DDAH1: variants seen among roughly 807,000 people sequenced by gnomAD.
The protein encoded by DDAH1 is dimethylarginine dimethylaminohydrolase 1.
Under a neutral mutation model 28.8 loss-of-function variants are expected in DDAH1, and 19 were observed. The observed-to-expected ratio is 0.66, with a 90% CI of 0.46 to 0.97. DDAH1 has a LOEUF of 0.97. DDAH1 is among the 50% of genes least tolerant of loss of function. The pLI is 0.00. For missense variants in DDAH1, 326 were observed against 375.9 expected (o/e 0.87, Z 1.10); for synonymous variants, 153 against 154.4 (o/e 0.99, Z 0.07).
chr1:85,342,022 C>T (rs1361553446), intron 4 of DDAH1, among the ~76,000 whole-genome samples: 1 of 152,084 alleles, frequency 6.6e-6, no homozygotes, highest in African/African-American at 2.4e-5. Flanking sequence ...AGCATTTCAC[C>T]TTGACTGGCT....
intron 1 of DDAH1, among the ~76,000 whole-genome samples, chr1:85,547,714 TAGAG>T (rs1392966971): frequency 6.6e-6 from 1 of 152,210 alleles, no homozygotes; most frequent in African/African-American, 2.4e-5. Context: ...AATTGATTGA[TAGAG>T]AGGTTTCTTT....
At chr1:85,504,538 G>A (rs1175692144) in intron 1 of DDAH1, among the ~76,000 whole-genome samples, 2 of 152,134 alleles carry the variant, frequency 1.3e-5, no homozygotes, top group African/African-American at 2.4e-5. Flanking sequence ...CAAGCAAACT[G>A]CAAGCAAAAT....
intron 1 of DDAH1, among the ~76,000 whole-genome samples, chr1:85,458,874 C>G (rs1024457035): frequency 6.6e-6 from 1 of 152,126 alleles, no homozygotes; most frequent in African/African-American, 2.4e-5. Context: ...TAGTCATTTT[C>G]TCTTTAATTA....
chr1:85,327,520 A>G (rs1399161454), intron 4 of DDAH1, among the ~76,000 whole-genome samples: 1 of 152,198 alleles, frequency 6.6e-6, no homozygotes, highest in Non-Finnish European at 1.5e-5. Flanking sequence ...GACAAATTTT[A>G]CTATGAGTTT....
At chr1:85,407,720 A>C (rs1652471935) in intron 1 of DDAH1, among the ~76,000 whole-genome samples, 1 of 152,220 alleles carries the variant, frequency 6.6e-6, no homozygotes, top group Non-Finnish European at 1.5e-5. Flanking sequence ...ATATTGACCC[A>C]AGGGTTATGA....
At chr1:85,544,789 A>G (rs529577844) in intron 1 of DDAH1, among the ~76,000 whole-genome samples, 36 of 152,214 alleles carry the variant, frequency 2.4e-4, no homozygotes, top group African/African-American at 7.9e-4. Context: ...GCCTCCACAC[A>G]TTGCCACACT....
intron 1 of DDAH1, among the ~76,000 whole-genome samples, chr1:85,552,868 T>C (rs1195033760): frequency 6.6e-6 from 1 of 152,042 alleles, no homozygotes; most frequent in Admixed American, 6.6e-5. Flanking sequence ...CTTCTATAGG[T>C]AGCCTCGCAT....
At chr1:85,337,421 T>C (rs879875506) in intron 4 of DDAH1, among the ~76,000 whole-genome samples, 2 of 152,226 alleles carry the variant, frequency 1.3e-5, no homozygotes, top group African/African-American at 4.8e-5. Flanking sequence ...AAAACTGTAA[T>C]TTTATTGTAA....
intron 2 of DDAH1, among the ~76,000 whole-genome samples, chr1:85,475,376 T>C (rs1655761544): frequency 1.3e-5 from 2 of 152,132 alleles, no homozygotes; most frequent in South Asian, 4.1e-4. Context: ...AGCATAGCAA[T>C]AGTTGACTTT....
rs1395867232 is a variant in DDAH1 at position 85,319,957 on chromosome 1, G to A, written c.*1495C>T. ...GAATAATTTGACTGCAAACATAGAA[G>A]TGAGCAGAGCAAGATTTGAAGTGAT... On this transcript the variant is annotated 3_prime_UTR_variant, in exon 6 of 6. Transcript: ENST00000284031. The A allele has an allele frequency of 6.6e-6, 1 of 152,202 alleles. No homozygotes were observed. Among genetic ancestry groups the A allele is most frequent in the Non-Finnish European group, 1.5e-5 (1 of 68,038 alleles). 9.4% of individuals were successfully genotyped at this position (152,202 alleles called of 1,614,324 possible).
chr1:85,442,285 T>C (rs990924390), intron 1 of DDAH1, among the ~76,000 whole-genome samples: 5 of 152,218 alleles, frequency 3.3e-5, no homozygotes, highest in African/African-American at 4.8e-5. Flanking sequence ...AGTGTTTGGT[T>C]TTCTGTCCTT....
At chr1:85,576,953 C>G (rs934636394) in intron 1 of DDAH1, 1 of 147,936 alleles carries the variant, frequency 6.8e-6, no homozygotes, top group Non-Finnish European at 1.5e-5. Flanking sequence ...GGTCGCAGGA[C>G]AGCCGCCGCC....
intron 1 of DDAH1, among the ~76,000 whole-genome samples, chr1:85,393,221 C>A (rs965417055): frequency 3.3e-5 from 5 of 152,128 alleles, no homozygotes; most frequent in African/African-American, 7.2e-5. Flanking sequence ...TTAAAATACC[C>A]CTCTGAAGGA....
At chr1:85,336,895 A>G (rs973663418) in intron 4 of DDAH1, among the ~76,000 whole-genome samples, 6 of 152,210 alleles carry the variant, frequency 3.9e-5, no homozygotes, top group Non-Finnish European at 8.8e-5. Context: ...GACACAACAA[A>G]AAAAACTACA....
chr1:85,518,530 CA>C (rs1448134690), intron 1 of DDAH1, among the ~76,000 whole-genome samples: 1 of 151,978 alleles, frequency 6.6e-6, no homozygotes, highest in Non-Finnish European at 1.5e-5. Context: ...GTCGACCTCT[CA>C]AAAACAGCGA....
At position 85,513,452 on chromosome 1, in the gene DDAH1, A is replaced by G. The variant is rs1241317930; in HGVS notation, c.-122-17171T>C. On this transcript the variant is annotated intron_variant, in intron 1 of 6. Coordinates refer to the DDAH1 transcript ENST00000426972. Reference sequence around the variant, plus strand: ...GGACACAGGCATGGGCAAAGACTTCATGACTAAAACACCAAAAGCAATGGC... The same window carrying G: ...GGACACAGGCATGGGCAAAGACTTCGTGACTAAAACACCAAAAGCAATGGC... 3.3e-5 allele frequency among the ~76,000 whole-genome samples: 5 copies of G among 152,240 alleles called. No homozygotes were observed. The South Asian group carries it at 8.3e-4, about 25-fold the overall frequency.
intron 2 of DDAH1, among the ~76,000 whole-genome samples, chr1:85,481,581 A>T (rs546635736): frequency 1.3e-5 from 2 of 152,356 alleles, no homozygotes; most frequent in South Asian, 4.1e-4. Context: ...TTTACACATT[A>T]TAAACCAGCT....
chr1:85,519,356 C>T (rs1280184367), intron 1 of DDAH1, among the ~76,000 whole-genome samples: 1 of 152,050 alleles, frequency 6.6e-6, no homozygotes, highest in Admixed American at 6.6e-5. Context: ...GTGGCGTGAG[C>T]CACCGTGCCT....
intron 3 of DDAH1, among the ~76,000 whole-genome samples, chr1:85,351,056 C>T (rs1257628636): frequency 1.3e-5 from 2 of 150,834 alleles, no homozygotes; most frequent in Non-Finnish European, 2.9e-5. Context: ...AATTGGGTTT[C>T]CAAGTTTTTT....
Sources: allele counts gnomAD v4.1 joint callset (sites outside exome capture counted in the v4.1 genomes callset), GRCh38; gene constraint gnomAD v4.1.1; transcripts MANE v1.5; gene names NCBI Gene and HGNC (gene_info 2026-07-23, HGNC 2026-07-21).